The following SLCO3A1 variants were observed in gnomAD, a reference collection of about 807,000 sequenced individuals.
SLCO3A1 encodes PGE1 transporter.
SLCO3A1 carries 27 observed loss-of-function variants against 63.1 expected under a neutral mutation model. The ratio of observed to expected loss-of-function variants is 0.43; its 90% CI spans 0.32 to 0.59. The LOEUF (loss-of-function observed/expected upper bound fraction) is 0.59. Ranked by LOEUF, SLCO3A1 falls within the 20% of genes least tolerant of loss-of-function variation. The pLI is 0.09. For missense variants in SLCO3A1, 773 were observed against 945.8 expected (o/e 0.82, Z 2.40); for synonymous variants, 473 against 409.9 (o/e 1.15, Z -1.86).
At chr15:91,911,607 C>T (rs377032902) in intron 1 of SLCO3A1, among the ~76,000 whole-genome samples, 3 of 152,022 alleles carry the variant, frequency 2.0e-5, no homozygotes, top group South Asian at 4.2e-4. Flanking sequence ...TATATATATA[C>T]GTATCTATAT....
intron 2 of SLCO3A1, among the ~76,000 whole-genome samples, chr15:92,040,116 A>G (rs890283157): frequency 3.3e-5 from 5 of 152,164 alleles, no homozygotes; most frequent in Non-Finnish European, 5.9e-5. Flanking sequence ...TAAAACCTAG[A>G]TGATGGGTTG....
chr15:91,874,073 T>C (rs995182121), intron 1 of SLCO3A1, among the ~76,000 whole-genome samples: 1 of 152,182 alleles, frequency 6.6e-6, no homozygotes, highest in African/African-American at 2.4e-5. Flanking sequence ...TACTAAATGC[T>C]ATATATGATA....
intron 3 of SLCO3A1, chr15:92,098,279 T>G (rs1293624457): frequency 6.6e-6 from 1 of 152,330 alleles, no homozygotes; most frequent in African/African-American, 2.4e-5. Flanking sequence ...GGGCCAGTTC[T>G]GGGGTGACAG....
intron 7 of SLCO3A1, among the ~76,000 whole-genome samples, chr15:92,131,430 C>A (rs1432962734): frequency 9.0e-6 from 1 of 111,358 alleles, no homozygotes; most frequent in Admixed American, 8.6e-5. Flanking sequence ...AATGGCACAA[C>A]CTCGGCTCAC....
chr15:91,916,331 C>T lies in SLCO3A1; in HGVS notation c.519C>T (p.Thr173=), dbSNP rs1161477370. The change falls in exon 2 of 10, where the codon ACC becomes ACT. Residue 173 remains threonine, a synonymous_variant. Coordinates refer to ENST00000318445, the MANE Select transcript of SLCO3A1 (RefSeq NM_013272.4). The surrounding 1 kb of genome is among the most constrained non-coding windows in gnomAD (Gnocchi z 6.2). ...PDLICRNRTA[T]NMMYLLLIGA... is the part of the protein sequence containing the mutation. ...TCATCTGCCGCAACCGGACGGCTAC[C>T]AACATGATGTACTTGCTGCTCATTG... is the stretch of plus-strand genomic sequence containing the variant. 3.7e-6 allele frequency: 6 copies of T among 1,604,982 alleles called. No homozygotes were observed. The highest frequency in any genetic ancestry group is 2.7e-5 in the African/African-American group (2 of 74,844).
At chr15:91,924,139 C>G (rs1898935482) in intron 2 of SLCO3A1, among the ~76,000 whole-genome samples, 1 of 152,244 alleles carries the variant, frequency 6.6e-6, no homozygotes, top group African/African-American at 2.4e-5. Context: ...TTGAAACCCC[C>G]TTCCACATCT....
At position 92,094,885 on chromosome 15, in the gene SLCO3A1, C is replaced by T. The variant is rs2047519140; in HGVS notation, c.651C>T (p.Ile217=). The T allele has an allele frequency of 6.2e-7, 1 of 1,610,502 alleles. No homozygotes were observed. Among genetic ancestry groups the T allele is most frequent in the African/African-American group, 1.3e-5 (1 of 74,814 alleles). Residue 217 remains isoleucine, a synonymous_variant, in exon 3 of 10, where the codon ATC becomes ATT. Transcript: ENST00000318445. Reference sequence around the variant, plus strand: ...TTTTTCTTCATCTTCCTTCAGGAATCCTGTTCACGATGCTGGTATTTGGAC... The same window carrying T: ...TTTTTCTTCATCTTCCTTCAGGAATTCTGTTCACGATGCTGGTATTTGGAC... ...RRKDSSLYIG[I]LFTMLVFGPA... is the part of the protein sequence containing the mutation.
chr15:92,112,958 G>A (rs1030966833), intron 4 of SLCO3A1, among the ~76,000 whole-genome samples: 2 of 152,208 alleles, frequency 1.3e-5, no homozygotes, highest in South Asian at 2.1e-4. Context: ...AATGCCAAAT[G>A]CAGTCAGCCT....
chr15:91,966,117 G>T (rs529012596), intron 2 of SLCO3A1, among the ~76,000 whole-genome samples: 8 of 152,292 alleles, frequency 5.3e-5, no homozygotes, highest in African/African-American at 1.9e-4. Flanking sequence ...GGGCAGCTCT[G>T]ATCTGAAGTA....
At position 92,120,581 on chromosome 15, in the gene SLCO3A1, C is replaced by T; in HGVS notation, c.1126C>T (p.Leu376=). ...AGFAAFLGKY[L]EQQFNLTTSS... is the part of the protein sequence containing the mutation. Reference sequence around the variant, plus strand: ...CTTCGCTGCCTTTTTGGGGAAGTACCTGGAGCAGCAGTTTAACCTCACCAC... The same window carrying T: ...CTTCGCTGCCTTTTTGGGGAAGTACTTGGAGCAGCAGTTTAACCTCACCAC... Residue 376 remains leucine (L), a synonymous_variant, in exon 5 of 10, where the codon CTG becomes TTG. Transcript: ENST00000318445. 1.2e-6 allele frequency: 2 copies of T among 1,613,978 alleles called. No homozygotes were observed. Among genetic ancestry groups the T allele is most frequent in the East Asian group, 2.2e-5 (1 of 44,850 alleles).
chr15:91,924,446 T>G (rs924672141), intron 2 of SLCO3A1, among the ~76,000 whole-genome samples: 2 of 152,208 alleles, frequency 1.3e-5, no homozygotes, highest in Admixed American at 1.3e-4. Flanking sequence ...CTTGCCATGG[T>G]GGCAATTTCA....
chr15:92,092,951 C>T (rs1440688599), intron 2 of SLCO3A1, among the ~76,000 whole-genome samples: 2 of 152,200 alleles, frequency 1.3e-5, no homozygotes, highest in Non-Finnish European at 2.9e-5. Flanking sequence ...TATTTGGAAA[C>T]AGTGGAACTT....
intron 2 of SLCO3A1, among the ~76,000 whole-genome samples, chr15:92,081,318 C>A (rs1179763522): frequency 6.6e-6 from 1 of 151,652 alleles, no homozygotes; most frequent in Non-Finnish European, 1.5e-5. Context: ...TTTCTTTGGT[C>A]AGTGCTGGTA....
At chr15:92,083,144 C>T (rs922338577) in intron 2 of SLCO3A1, among the ~76,000 whole-genome samples, 4 of 152,100 alleles carry the variant, frequency 2.6e-5, no homozygotes, top group South Asian at 2.1e-4. Context: ...AGGTAGAAGC[C>T]GTCACCCGTG....
rs2048235842 is a variant in SLCO3A1, at chr15:92,147,088, C to G, written c.1617C>G (p.Phe539Leu). The change falls in exon 8 of 10, where the codon TTC becomes TTG. Residue 539 changes from phenylalanine (F) to leucine (L), a missense_variant. Physicochemically the swap from Phe to Leu is conservative, Grantham distance 22. This residue lies in a region of SLCO3A1 where 565 missense variants were observed against 749.8 expected (regional missense o/e 0.75). Coordinates refer to ENST00000318445, the MANE Select transcript of SLCO3A1 (RefSeq NM_013272.4). ...GGTGCCAAGAGGCCTTCCTCACTTT[C>G]CTCTGTGTGATGTGTATCTGCAGCC... Reference protein sequence around the residue: ...SPGCQEAFLTFLCVMCICSLI... With the variant: ...SPGCQEAFLTLLCVMCICSLI... 6.2e-6 allele frequency: 10 copies of G among 1,614,166 alleles called. No homozygotes were observed. The highest frequency in any genetic ancestry group is 2.7e-5 in the African/African-American group (2 of 75,034).
chr15:92,128,392 A>T lies in SLCO3A1; in HGVS notation c.1415A>T (p.Asn472Ile), dbSNP rs746969268. The T allele has an allele frequency of 6.2e-7, 1 of 1,614,142 alleles. No homozygotes were observed. The highest frequency in any genetic ancestry group is 1.1e-5 in the South Asian group (1 of 91,078). The change falls in exon 7 of 10, where the codon AAT (asparagine) becomes ATT (isoleucine). Residue 472 changes from asparagine to isoleucine, a missense_variant. Physicochemically the swap from Asn to Ile is moderately radical, Grantham distance 149 (BLOSUM62 -3). Transcript: ENST00000318445. ...GCCCTGGACCCCTACTCGCCCTGCA[A>T]TAATAACTGTGAATGCCAAACCGAT... ...GSALDPYSPC[N>I]NNCECQTDSF...
intron 1 of SLCO3A1, among the ~76,000 whole-genome samples, chr15:91,890,377 G>A (rs1897841153): frequency 6.6e-6 from 1 of 152,082 alleles, no homozygotes; most frequent in Non-Finnish European, 1.5e-5. Context: ...TGCTCAGCTT[G>A]CAGGAAACAT....
chr15:92,040,498 C>T (rs954758274), intron 2 of SLCO3A1, among the ~76,000 whole-genome samples: 40 of 152,120 alleles, frequency 2.6e-4, no homozygotes, highest in Admixed American at 2.6e-3. Flanking sequence ...ATGTTATCTT[C>T]CCCAAGTTCC....
intron 2 of SLCO3A1, among the ~76,000 whole-genome samples, chr15:91,972,567 A>T (rs906962972): frequency 1.3e-5 from 2 of 152,188 alleles, no homozygotes; most frequent in African/African-American, 4.8e-5. Flanking sequence ...TCTGTTGTTT[A>T]TAAGCCACCC....
Sources: allele counts gnomAD v4.1 joint callset (sites outside exome capture counted in the v4.1 genomes callset), GRCh38; gene constraint gnomAD v4.1.1; regional missense constraint gnomAD v4.1.1; non-coding constraint Gnocchi (gnomAD v3.1); transcripts MANE v1.5; gene names NCBI Gene and HGNC (gene_info 2026-07-23, HGNC 2026-07-21).